Variants in LACTBL1 observed in about 807,000 individuals in gnomAD.
The protein encoded by LACTBL1 is beta-lactamase-like protein 1.
In LACTBL1, 29 loss-of-function variants were observed where a neutral mutation model predicts 39.6. The observed-to-expected ratio is 0.73, with a 90% CI of 0.55 to 1.00. The LOEUF is 1.00. LACTBL1 is among the 50% of genes least tolerant of loss of function. LACTBL1 has a pLI of 0.00. For synonymous variants in LACTBL1, 361 were observed against 360.7 expected (o/e 1.00, Z -0.01); for missense variants, 711 against 748.5 (o/e 0.95, Z 0.59).
At chr1:22,971,618 A>G in the LACTBL1 span, among the ~76,000 whole-genome samples, 1 of 152,154 alleles carries the variant, frequency 6.6e-6, no homozygotes, top group African/African-American at 2.4e-5. Flanking sequence ...TTATTCATTC[A>G]GAAAACAATC....
At chr1:22,954,513 CAGAA>C (rs1475509750) in intron 5 of LACTBL1, among the ~76,000 whole-genome samples, 2 of 152,180 alleles carry the variant, frequency 1.3e-5, no homozygotes, top group South Asian at 2.1e-4. Context: ...ATCTCTAAAA[CAGAA>C]AGGTGCAAGG....
intron 5 of LACTBL1, 143 bp from the exon 8 acceptor site, chr1:22,954,167 C>G: frequency 1.4e-6 from 2 of 1,404,480 alleles, no homozygotes; most frequent in Non-Finnish European, 9.4e-7. Flanking sequence ...CTGGAAGAGA[C>G]TTTGGAGCAC....
chr1:22,956,018 C>T (rs1322298113), intron 4 of LACTBL1, among the ~76,000 whole-genome samples: 5 of 143,168 alleles, frequency 3.5e-5, no homozygotes, highest in Non-Finnish European at 7.5e-5. Flanking sequence ...GAGCTGAGAT[C>T]GCACCACTGC....
At chr1:22,966,045 T>A (rs1640873294), upstream of LACTBL1, among the ~76,000 whole-genome samples, 1 of 152,206 alleles carries the variant, frequency 6.6e-6, no homozygotes, top group African/African-American at 2.4e-5. Flanking sequence ...CTTGTAAATA[T>A]GCTATAACCA....
chr1:22,958,432 C>G (rs1004928437), intron 4 of LACTBL1, among the ~76,000 whole-genome samples: 1 of 152,176 alleles, frequency 6.6e-6, no homozygotes, highest in African/African-American at 2.4e-5. Flanking sequence ...TTCATTTTGA[C>G]CTGCACTGAT....
At chr1:22,965,325 A>G in exon 1 of LACTBL1, 1 of 1,317,490 alleles carries the variant, frequency 7.6e-7, no homozygotes, top group Non-Finnish European at 9.7e-7. Flanking sequence ...CTGCCACAGG[A>G]AGCAGCCAGT....
chr1:22,964,021 C>G (rs187147167), intron 1 of LACTBL1, among the ~76,000 whole-genome samples: 65 of 152,320 alleles, frequency 4.3e-4, no homozygotes, highest in African/African-American at 1.5e-3. Flanking sequence ...ACTTCAACCT[C>G]TGCCTCCCGG....
intron 3 of LACTBL1, 75 bp downstream of exon 5, chr1:22,959,867 A>G (rs894330520): frequency 6.4e-5 from 96 of 1,499,400 alleles, no homozygotes; most frequent in Non-Finnish European, 8.3e-5. Context: ...TCTCTTCAGT[A>G]TCCTTACCTC....
upstream of LACTBL1, among the ~76,000 whole-genome samples, chr1:22,967,711 C>T (rs1356055502): frequency 6.6e-6 from 1 of 152,054 alleles, no homozygotes; most frequent in Non-Finnish European, 1.5e-5. Flanking sequence ...ACTCAACACT[C>T]GACTTTGTTG....
intron 2 of LACTBL1, 84 bp from the exon 5 acceptor site, chr1:22,960,183 T>G: frequency 6.7e-7 from 1 of 1,485,106 alleles, no homozygotes; most frequent in South Asian, 1.3e-5. Flanking sequence ...TCGTCCATAG[T>G]CACACCCTGC....
At chr1:22,960,575 C>A (rs1432343516) in intron 2 of LACTBL1, among the ~76,000 whole-genome samples, 1 of 144,102 alleles carries the variant, frequency 6.9e-6, no homozygotes, top group Non-Finnish European at 1.5e-5. Flanking sequence ...CAAGATCTCG[C>A]CACTGTACTC....
chr1:22,953,814 GCC>G lies in LACTBL1; in HGVS notation c.868_869del (p.Gly290LeufsTer114), dbSNP rs1420813376. On this transcript the variant is annotated frameshift_variant, in exon 6 of 6. Transcript: ENST00000426928. LOFTEE classifies it high-confidence loss of function. ...ACATCTGGCCCGACGGCCGGTACCA[GCC>G]CAGGTCATAGAGTGGCGCCGGCCGC... is the stretch of plus-strand genomic sequence containing the variant. The G allele has an allele frequency of 2.6e-6, 4 of 1,547,252 alleles. No individual in the cohort carries two copies. Among genetic ancestry groups the G allele is most frequent in the Non-Finnish European group, 3.5e-6 (4 of 1,145,520 alleles).
chr1:22,967,779 C>G (rs555669090), upstream of LACTBL1, among the ~76,000 whole-genome samples: 4 of 152,142 alleles, frequency 2.6e-5, no homozygotes, highest in Middle Eastern at 3.4e-3. Flanking sequence ...TATGCTATGT[C>G]CTTGCTTATT....
intron 2 of LACTBL1, among the ~76,000 whole-genome samples, chr1:22,961,710 A>T (rs941516881): frequency 6.6e-6 from 1 of 151,722 alleles, no homozygotes; most frequent in Non-Finnish European, 1.5e-5. Flanking sequence ...GTGATTTTAC[A>T]TATCCTTGGC....
upstream of LACTBL1, among the ~76,000 whole-genome samples, chr1:22,965,592 C>T (rs1640869050): frequency 6.6e-6 from 1 of 152,154 alleles, no homozygotes; most frequent in Non-Finnish European, 1.5e-5. Context: ...CCCAGTGTGA[C>T]TCTTTCAATA....
intron 4 of LACTBL1, among the ~76,000 whole-genome samples, chr1:22,956,169 T>A (rs766271866): frequency 6.6e-5 from 10 of 151,878 alleles, no homozygotes; most frequent in Non-Finnish European, 1.5e-4. Flanking sequence ...GGCCTGGAGT[T>A]TGAGACCAGC....
intron 4 of LACTBL1, among the ~76,000 whole-genome samples, chr1:22,955,717 A>G (rs1290956268): frequency 2.6e-5 from 4 of 152,176 alleles, no homozygotes; most frequent in Admixed American, 2.6e-4. Flanking sequence ...AATGTTTAGT[A>G]TGGTGCCTGG....
At chr1:22,958,542 C>T in intron 4 of LACTBL1, 143 bp downstream of exon 6, 1 of 658,592 alleles carries the variant, frequency 1.5e-6, no homozygotes, top group African/African-American at 1.8e-5. Context: ...CCCTGGCCCA[C>T]CACCCACATC....
intron 3 of LACTBL1, among the ~76,000 whole-genome samples, chr1:22,959,376 C>T (rs1023707554): frequency 3.9e-5 from 6 of 152,226 alleles, no homozygotes; most frequent in African/African-American, 1.4e-4. Flanking sequence ...GCACATATAA[C>T]TGTTGGCCCC....
Sources: allele counts gnomAD v4.1 joint callset (sites outside exome capture counted in the v4.1 genomes callset), GRCh38; gene constraint gnomAD v4.1.1; transcripts MANE v1.5; gene names NCBI Gene and HGNC (gene_info 2026-07-23, HGNC 2026-07-21).